Variants in SMIM35 observed in about 807,000 individuals in gnomAD.
SMIM35 encodes small integral membrane protein 35, also known as TMPRSS4 antisense RNA 1 (non-protein coding).
At chr11:118,044,135 T>C (rs1944052567) in intron 1 of SMIM35, among the ~76,000 whole-genome samples, 2 of 152,010 alleles carry the variant, frequency 1.3e-5, no homozygotes, top group South Asian at 4.1e-4. Flanking sequence ...AAGAAGTGCA[T>C]TGAAATGCAT....
chr11:118,028,230 A>C (rs1413924137), intron 1 of SMIM35, among the ~76,000 whole-genome samples: 1 of 152,194 alleles, frequency 6.6e-6, no homozygotes, highest in Non-Finnish European at 1.5e-5. Flanking sequence ...ATTTACACAC[A>C]GGCATGCTCA....
At chr11:118,023,600 A>G (rs746096251) in intron 1 of SMIM35, among the ~76,000 whole-genome samples, 9 of 151,032 alleles carry the variant, frequency 6.0e-5, no homozygotes, top group Non-Finnish European at 8.8e-5. Flanking sequence ...AGGGATGAAA[A>G]CTACAACATC....
chr11:118,043,810 A>AAAAAGG (rs1944045205), intron 1 of SMIM35, among the ~76,000 whole-genome samples: 1 of 150,820 alleles, frequency 6.6e-6, no homozygotes, highest in Non-Finnish European at 1.5e-5. Context: ...CTCAAAAAAA[A>AAAAAGG]AAAAGGAAAA....
intron 1 of SMIM35, among the ~76,000 whole-genome samples, chr11:118,042,621 CCCTGATGTCAAAA>C (rs1322206775): frequency 6.6e-6 from 1 of 152,122 alleles, no homozygotes; most frequent in Non-Finnish European, 1.5e-5. Flanking sequence ...GCAAATATTA[CCCTGATGTCAAAA>C]CCAGACAAGG....
chr11:118,045,468 G>T (rs1400804269), intron 1 of SMIM35, among the ~76,000 whole-genome samples: 1 of 152,102 alleles, frequency 6.6e-6, no homozygotes, highest in African/African-American at 2.4e-5. Context: ...AACCAGGGGA[G>T]TGGGGTAGGG....
At chr11:118,067,551 T>C (rs1944496355) in intron 1 of SMIM35, 1 of 151,582 alleles carries the variant, frequency 6.6e-6, no homozygotes, top group East Asian at 2.0e-4. Flanking sequence ...AAAAAAAAAT[T>C]GGCTGGGTGC....
At chr11:118,018,706 G>A (rs1360211466) in intron 1 of SMIM35, among the ~76,000 whole-genome samples, 1 of 152,194 alleles carries the variant, frequency 6.6e-6, no homozygotes, top group African/African-American at 2.4e-5. Flanking sequence ...AGACCCTGAG[G>A]TGAGGGAAGG....
intron 1 of SMIM35, among the ~76,000 whole-genome samples, chr11:118,024,198 C>T (rs1437006796): frequency 6.6e-6 from 1 of 152,122 alleles, no homozygotes; most frequent in Non-Finnish European, 1.5e-5. Flanking sequence ...GTTATTTGTT[C>T]AAACAAGACA....
intron 1 of SMIM35, among the ~76,000 whole-genome samples, chr11:118,057,654 G>A (rs1591303382): frequency 6.6e-6 from 1 of 152,228 alleles, no homozygotes; most frequent in East Asian, 1.9e-4. Flanking sequence ...GAAGAACAAG[G>A]ATGAAGGTAT....
chr11:118,068,316 TC>T (rs1367349167), intron 1 of SMIM35, among the ~76,000 whole-genome samples: 1 of 151,790 alleles, frequency 6.6e-6, no homozygotes, highest in Non-Finnish European at 1.5e-5. Context: ...ATCCAAATGC[TC>T]CCTCCTCGGG....
chr11:118,052,649 G>A (rs1180625778), intron 1 of SMIM35, among the ~76,000 whole-genome samples: 1 of 151,512 alleles, frequency 6.6e-6, no homozygotes, highest in African/African-American at 2.4e-5. Context: ...TAACGTGATC[G>A]CCTACGCCCC....
At chr11:118,056,344 C>T (rs895990962) in intron 1 of SMIM35, among the ~76,000 whole-genome samples, 3 of 152,088 alleles carry the variant, frequency 2.0e-5, no homozygotes, top group African/African-American at 7.2e-5. Context: ...GGAGGGTCAG[C>T]AGAACTGGGG....
At chr11:118,016,288 C>A (rs2058182790) in intron 1 of SMIM35, among the ~76,000 whole-genome samples, 1 of 152,176 alleles carries the variant, frequency 6.6e-6, no homozygotes, top group Non-Finnish European at 1.5e-5. Flanking sequence ...CTGTACTTAC[C>A]ACTTCTTCCC....
chr11:118,032,517 A>C (rs1181182898), intron 1 of SMIM35, among the ~76,000 whole-genome samples: 1 of 152,134 alleles, frequency 6.6e-6, no homozygotes, highest in Non-Finnish European at 1.5e-5. Context: ...CTGGGAGAGG[A>C]ACTGGGTGGT....
At chr11:118,084,797 T>C (rs1823783697) in intron 1 of SMIM35, among the ~76,000 whole-genome samples, 1 of 152,236 alleles carries the variant, frequency 6.6e-6, no homozygotes, top group South Asian at 2.1e-4. Flanking sequence ...ATTCTCCCCA[T>C]TTTACAGATG....
At chr11:118,032,047 G>A (rs1407632491) in intron 1 of SMIM35, 1 of 152,120 alleles carries the variant, frequency 6.6e-6, no homozygotes, top group Admixed American at 6.6e-5. Flanking sequence ...TGGGAGGATG[G>A]TTTGAGCCCA....
intron 1 of SMIM35, among the ~76,000 whole-genome samples, chr11:118,073,023 T>C (rs145913224): frequency 5.9e-5 from 9 of 152,344 alleles, no homozygotes; most frequent in African/African-American, 1.9e-4. Flanking sequence ...GTTCAAGCGA[T>C]TCTCCTGCCT....
At chr11:118,033,446 A>G (rs1462352247) in intron 1 of SMIM35, among the ~76,000 whole-genome samples, 1 of 152,212 alleles carries the variant, frequency 6.6e-6, no homozygotes, top group Non-Finnish European at 1.5e-5. Context: ...TTTAAATTCG[A>G]TAAATTCCTG....
chr11:118,056,912 T>C (rs901125561), intron 1 of SMIM35, among the ~76,000 whole-genome samples: 1 of 145,512 alleles, frequency 6.9e-6, no homozygotes, highest in Non-Finnish European at 1.5e-5. Flanking sequence ...CACCGAGGGG[T>C]GTAGAGTGGA....
Sources: allele counts gnomAD v4.1 joint callset (sites outside exome capture counted in the v4.1 genomes callset), GRCh38; gene constraint gnomAD v4.1.1; transcripts MANE v1.5; gene names NCBI Gene and HGNC (gene_info 2026-07-23, HGNC 2026-07-21).